KIRREL3: variants seen among roughly 807,000 people sequenced by gnomAD.
KIRREL3 encodes the protein kirre like nephrin family adhesion molecule 3.
A neutral mutation model predicts 89.7 loss-of-function variants in KIRREL3; 36 were observed. That is an observed-to-expected ratio of 0.40 (90% CI 0.31 to 0.53). The LOEUF (loss-of-function observed/expected upper bound fraction) is 0.53, where lower values mean the gene tolerates loss of function less well. Ranked by LOEUF, KIRREL3 falls within the 20% of genes least tolerant of loss-of-function variation. KIRREL3 has a pLI of 0.49. For missense variants in KIRREL3, 864 were observed against 1,056.6 expected, an observed-to-expected ratio of 0.82 and a Z score of 2.53; for synonymous variants, 445 against 441.4, an observed-to-expected ratio of 1.01 and a Z score of -0.10.
intron 8 of KIRREL3, among the ~76,000 whole-genome samples, chr11:126,447,728 G>C (rs1955877069): frequency 6.6e-6 from 1 of 152,230 alleles, no homozygotes; most frequent in African/African-American, 2.4e-5. Flanking sequence ...AGGCCTCAGA[G>C]TGCTCCTTCC....
chr11:126,549,371 A>G (rs879761495), intron 2 of KIRREL3: 55 of 152,298 alleles, frequency 3.6e-4, no homozygotes, highest in Admixed American at 3.3e-3. Context: ...CCTGGTTCCT[A>G]CTTCCAGAGC....
intron 1 of KIRREL3, among the ~76,000 whole-genome samples, chr11:126,848,182 G>A (rs1326756957): frequency 6.6e-6 from 1 of 152,138 alleles, no homozygotes; most frequent in East Asian, 1.9e-4. Context: ...CCACCGCAGG[G>A]CTTGGCTTTT....
At position 126,761,268 on chromosome 11, in the gene KIRREL3, G is replaced by A. The variant is rs1321969707; in HGVS notation, c.56-198356C>T. ...AAGGTGGTCAGGTTGTCAGGCCCCT[G>A]CACTCTGCCCAGGCAAAGGTATTCA... is the stretch of plus-strand genomic sequence containing the variant. On this transcript the variant is annotated intron_variant, in intron 1 of 16. Transcript: ENST00000525144. This position sits in a 1 kb window ranked among gnomAD's most constrained non-coding sequence, Gnocchi z 4.4. Among the ~76,000 whole-genome samples, 1 of 152,240 alleles carries A rather than the reference G, an allele frequency of 6.6e-6. No individual in the cohort carries two copies. The highest frequency in any genetic ancestry group is 1.5e-5 in the Non-Finnish European group (1 of 68,042).
chr11:126,557,472 T>C lies in KIRREL3; in HGVS notation c.133+5363A>G, dbSNP rs1439694465. Among the ~76,000 whole-genome samples the C allele has an allele frequency of 6.6e-6, 1 of 152,208 alleles. No homozygotes were observed. The highest frequency in any genetic ancestry group is 2.1e-4 in the South Asian group (1 of 4,830). ...TTTTAGAGACATACAGGTCATCTTA[T>C]GAAACATGATTCCATTTTGCACATG... On this transcript the variant is annotated intron_variant, in intron 2 of 16. Transcript: ENST00000525144. This position sits in a 1 kb window ranked among gnomAD's most constrained non-coding sequence, Gnocchi z 5.6.
rs1445702605 is a variant in KIRREL3, at chr11:126,983,893, C to T, written c.55+16562G>A. ...GATTCCTCCTCTGAACCAGAGAACC[C>T]CGAGAATAATATGATTAACTATTTT... On this transcript the variant is annotated intron_variant, in intron 1 of 16. Coordinates refer to ENST00000525144, the MANE Select transcript of KIRREL3 (RefSeq NM_032531.4). This position sits in a 1 kb window ranked among gnomAD's most constrained non-coding sequence, Gnocchi z 4.9. 6.6e-6 allele frequency among the ~76,000 whole-genome samples: 1 copy of T among 151,966 alleles called. No homozygotes were observed. Among genetic ancestry groups the T allele is most frequent in the African/African-American group, 2.4e-5 (1 of 41,362 alleles).
rs753586111 is a variant in KIRREL3, at chr11:126,908,085, A to G, written c.55+92370T>C. Reference sequence around the variant, plus strand: ...CATAGCCCTTATCAGTACCTAACATATAAATCTGTTATGTATGTTGTTTAT... The same window carrying G: ...CATAGCCCTTATCAGTACCTAACATGTAAATCTGTTATGTATGTTGTTTAT... On this transcript the variant is annotated intron_variant, in intron 1 of 16. Coordinates refer to ENST00000525144, the MANE Select transcript of KIRREL3 (RefSeq NM_032531.4). This position sits in a 1 kb window ranked among gnomAD's most constrained non-coding sequence, Gnocchi z 4.2. Among the ~76,000 whole-genome samples the G allele has an allele frequency of 2.0e-5, 3 of 152,212 alleles. No homozygotes were observed. Among genetic ancestry groups the G allele is most frequent in the Middle Eastern group, 3.4e-3 (1 of 294 alleles).
At chr11:126,447,664 A>G (rs530508342) in intron 8 of KIRREL3, among the ~76,000 whole-genome samples, 2 of 152,192 alleles carry the variant, frequency 1.3e-5, no homozygotes, top group South Asian at 4.2e-4. Context: ...AGCTTGGTCT[A>G]CACAGTGGGG....
intron 4 of KIRREL3, among the ~76,000 whole-genome samples, chr11:126,514,162 G>T (rs150854132): frequency 6.6e-6 from 1 of 152,070 alleles, no homozygotes; most frequent in Non-Finnish European, 1.5e-5. Context: ...CAATAGCTCC[G>T]ACACAGCTCC....
chr11:126,779,248 C>T (rs1377515712), intron 1 of KIRREL3, among the ~76,000 whole-genome samples: 3 of 152,148 alleles, frequency 2.0e-5, no homozygotes, highest in African/African-American at 7.2e-5. Context: ...CCCTGAGATC[C>T]CACAGCTTTA....
intron 1 of KIRREL3, among the ~76,000 whole-genome samples, chr11:126,593,637 TG>T (rs1376489516): frequency 6.6e-6 from 1 of 152,214 alleles, no homozygotes; most frequent in Non-Finnish European, 1.5e-5. Flanking sequence ...CAATCTGGAA[TG>T]GGGGTCATCC....
Position 126,954,367 on chromosome 11 carries a change from A to T in KIRREL3, c.55+46088T>A, listed in dbSNP as rs1360169847. Among the ~76,000 whole-genome samples, 1 of 151,986 alleles carries T rather than the reference A, an allele frequency of 6.6e-6. No homozygotes were observed. The highest frequency in any genetic ancestry group is 1.5e-5 in the Non-Finnish European group (1 of 68,002). ...TGCTATTATAGCCGATTGATTATTTATCACTTCAATGAAGAATTTATTGAT... is the reference window on the plus strand; with the variant it reads ...TGCTATTATAGCCGATTGATTATTTTTCACTTCAATGAAGAATTTATTGAT... On this transcript the variant is annotated intron_variant, in intron 1 of 16. Coordinates refer to ENST00000525144, the MANE Select transcript of KIRREL3 (RefSeq NM_032531.4). This position sits in a 1 kb window ranked among gnomAD's most constrained non-coding sequence, Gnocchi z 4.1.
intron 4 of KIRREL3, among the ~76,000 whole-genome samples, chr11:126,514,977 A>G (rs2134409635): frequency 6.6e-6 from 1 of 152,322 alleles, no homozygotes; most frequent in South Asian, 2.1e-4. Flanking sequence ...TTGTTATTTC[A>G]ATTGCCATGA....
intron 5 of KIRREL3, among the ~76,000 whole-genome samples, chr11:126,468,022 T>A (rs1223304345): frequency 6.6e-6 from 1 of 152,120 alleles, no homozygotes; most frequent in Non-Finnish European, 1.5e-5. Flanking sequence ...AGGCCAGTGG[T>A]CCTGGTGGTA....
chr11:126,827,545 T>C (rs1012282920), intron 1 of KIRREL3, among the ~76,000 whole-genome samples: 1 of 152,192 alleles, frequency 6.6e-6, no homozygotes, highest in Non-Finnish European at 1.5e-5. Context: ...TATTGCCTCT[T>C]CTAGGGGTGA....
chr11:126,841,569 C>T (rs1943964094), intron 1 of KIRREL3, among the ~76,000 whole-genome samples: 1 of 152,240 alleles, frequency 6.6e-6, no homozygotes, highest in African/African-American at 2.4e-5. Context: ...CAATGGATGG[C>T]TGTGCCCTCA....
chr11:126,548,862 C>A (rs758541881), intron 2 of KIRREL3, among the ~76,000 whole-genome samples: 1 of 152,128 alleles, frequency 6.6e-6, no homozygotes, highest in African/African-American at 2.4e-5. Context: ...CTGGGAGCAA[C>A]GAGATAGAAT....
chr11:126,737,052 C>G (rs926159453), intron 1 of KIRREL3, among the ~76,000 whole-genome samples: 1 of 152,196 alleles, frequency 6.6e-6, no homozygotes, highest in Non-Finnish European at 1.5e-5. Context: ...GTAAGTTTCC[C>G]AATTTGCTCC....
rs1428436002 is a variant in KIRREL3 at position 126,990,003 on chromosome 11, T to C, written c.55+10452A>G. Among the ~76,000 whole-genome samples, 2 of 152,184 alleles carry C rather than the reference T, an allele frequency of 1.3e-5. No individual in the cohort carries two copies. The highest frequency in any genetic ancestry group is 2.9e-5 in the Non-Finnish European group (2 of 68,028). On this transcript the variant is annotated intron_variant, in intron 1 of 16. Transcript: ENST00000525144. The surrounding 1 kb of genome is among the most constrained non-coding windows in gnomAD (Gnocchi z 6.3). Reference sequence around the variant, plus strand: ...TTGTTTTTTCAGCATTTGCGGGGAATGACAACAGAAATATTGGCTCCCTGA... The same window carrying C: ...TTGTTTTTTCAGCATTTGCGGGGAACGACAACAGAAATATTGGCTCCCTGA...
In KIRREL3 at chr11:126,563,944, G is replaced by C. The variant is rs549875835; in HGVS notation, c.56-1032C>G. 2.0e-5 allele frequency among the ~76,000 whole-genome samples: 3 copies of C among 152,162 alleles called. No individual in the cohort carries two copies. The highest frequency in any genetic ancestry group is 4.4e-5 in the Non-Finnish European group (3 of 68,026). On this transcript the variant is annotated intron_variant, in intron 1 of 16. Coordinates refer to ENST00000525144, the MANE Select transcript of KIRREL3 (RefSeq NM_032531.4). The surrounding 1 kb of genome is among the most constrained non-coding windows in gnomAD (Gnocchi z 6.8). The stretch of plus-strand genomic sequence containing the variant: ...ACATTATGCAGATGGGAAAATTGAG[G>C]TTCAACCATGTTAAATGACTTCCCA...
Sources: gnomAD v4.1 joint callset for allele counts (sites outside exome capture counted in the v4.1 genomes callset) on GRCh38, gnomAD v4.1.1 for gene constraint, Gnocchi (gnomAD v3.1) non-coding constraint, MANE v1.5 for transcripts, NCBI Gene and HGNC (gene_info 2026-07-23, HGNC 2026-07-21) for gene names.